Variants in FAM81A observed in about 807,000 individuals in gnomAD.
The protein encoded by FAM81A is family with sequence similarity 81 member A.
A neutral mutation model predicts 46.7 loss-of-function variants in FAM81A; 19 were observed. The ratio of observed to expected loss-of-function variants is 0.41; its 90% CI spans 0.28 to 0.60. FAM81A has a LOEUF of 0.60. Among genes scored for constraint, FAM81A ranks in the 20% least tolerant of loss-of-function variants. The probability of loss-of-function intolerance (pLI) is 0.34; values close to 1 mark genes in which losing one functional copy is unlikely to be tolerated. For synonymous variants in FAM81A, 183 were observed against 152.9 expected (o/e 1.20, Z -1.45); for missense variants, 377 against 453.5 (o/e 0.83, Z 1.53).
At chr15:59,458,713 T>A (rs943597875) in intron 2 of FAM81A, 67 bp downstream of exon 2, 2 of 1,452,000 alleles carry the variant, frequency 1.4e-6, no homozygotes, top group African/African-American at 2.8e-5. Flanking sequence ...AAATCAAAGC[T>A]TGGGCTGTTA....
At chr15:59,486,024 C>T (rs572047416) in intron 3 of FAM81A, among the ~76,000 whole-genome samples, 158 of 152,098 alleles carry the variant, frequency 1.0e-3, no homozygotes, top group South Asian at 4.4e-3. Context: ...ACTAAAAATA[C>T]GGAAATTAGC....
chr15:59,458,986 G>A (rs1214945299), intron 2 of FAM81A, among the ~76,000 whole-genome samples: 1 of 152,146 alleles, frequency 6.6e-6, no homozygotes, highest in Non-Finnish European at 1.5e-5. Flanking sequence ...ACATTGCTTG[G>A]CCTAGCATGT....
intron 4 of FAM81A, among the ~76,000 whole-genome samples, chr15:59,501,474 T>C (rs553643639): frequency 5.9e-5 from 9 of 152,148 alleles, no homozygotes; most frequent in African/African-American, 2.2e-4. Context: ...GATACATATA[T>C]ATATAATAAT....
intron 8 of FAM81A, 78 bp from the exon 9 acceptor site, chr15:59,521,176 C>T: frequency 1.4e-6 from 2 of 1,449,226 alleles, no homozygotes; most frequent in Non-Finnish European, 1.8e-6. Context: ...CTGAATCAAC[C>T]ATTACTAGAT....
chr15:59,491,455 A>G (rs28842551), intron 3 of FAM81A, among the ~76,000 whole-genome samples: 1 of 152,198 alleles, frequency 6.6e-6, no homozygotes, highest in African/African-American at 2.4e-5. Flanking sequence ...AATGTGGATG[A>G]TTAATGGGCA....
chr15:59,414,973 G>C (rs1271707044), intron 2 of FAM81A, among the ~76,000 whole-genome samples: 2 of 151,670 alleles, frequency 1.3e-5, no homozygotes, highest in African/African-American at 4.8e-5. Context: ...CCGCCACAAT[G>C]CCTGGCTAAT....
intron 3 of FAM81A, among the ~76,000 whole-genome samples, chr15:59,462,182 G>A (rs958674797): frequency 2.1e-5 from 3 of 140,756 alleles, no homozygotes; most frequent in South Asian, 2.2e-4. Flanking sequence ...CAGCCTGGGC[G>A]ACAGAGCGAG....
intron 1 of FAM81A, among the ~76,000 whole-genome samples, chr15:59,453,838 T>C (rs978162687): frequency 3.3e-5 from 5 of 152,026 alleles, no homozygotes; most frequent in Non-Finnish European, 7.4e-5. Context: ...TGAGAAGTGC[T>C]AGGTGAATCT....
intron 8 of FAM81A, among the ~76,000 whole-genome samples, chr15:59,517,973 CTT>C (rs540628428): frequency 7.0e-5 from 10 of 143,552 alleles, no homozygotes; most frequent in African/African-American, 7.7e-5. Context: ...TTCTTTCTTC[CTT>C]TTTTTTTTTT....
intron 3 of FAM81A, among the ~76,000 whole-genome samples, chr15:59,483,545 G>A (rs1596514592): frequency 6.6e-6 from 1 of 152,078 alleles, no homozygotes; most frequent in Non-Finnish European, 1.5e-5. Flanking sequence ...AATTATGTAA[G>A]CATAATTACA....
upstream of FAM81A, among the ~76,000 whole-genome samples, chr15:59,435,669 T>C (rs76311175): frequency 2.2e-4 from 33 of 152,304 alleles, no homozygotes; most frequent in East Asian, 4.2e-3. Context: ...CATAATATAC[T>C]GAACAAATTA....
At chr15:59,424,259 G>T (rs2081186413) in intron 2 of FAM81A, among the ~76,000 whole-genome samples, 5 of 152,124 alleles carry the variant, frequency 3.3e-5, no homozygotes, top group Admixed American at 2.6e-4. Flanking sequence ...ACACTCTCCT[G>T]GTTTTCTTTC....
intron 2 of FAM81A, among the ~76,000 whole-genome samples, chr15:59,425,757 G>C (rs372107875): frequency 1.1e-4 from 17 of 152,122 alleles, no homozygotes; most frequent in African/African-American, 3.9e-4. Flanking sequence ...TCCTGAGTAA[G>C]TGGGACTACA....
chr15:59,449,643 G>T (rs560600510), intron 1 of FAM81A, among the ~76,000 whole-genome samples: 1 of 151,864 alleles, frequency 6.6e-6, no homozygotes, highest in Admixed American at 6.6e-5. Flanking sequence ...TTAGCCGGGC[G>T]TGGTGGCGGG....
intron 3 of FAM81A, among the ~76,000 whole-genome samples, chr15:59,491,245 GTTCT>G (rs1282626704): frequency 6.6e-6 from 1 of 152,214 alleles, no homozygotes; most frequent in African/African-American, 2.4e-5. Context: ...AAAGAATGAG[GTTCT>G]GTCATTTGCA....
At chr15:59,415,064 C>G (rs1040853643) in intron 2 of FAM81A, among the ~76,000 whole-genome samples, 2 of 151,752 alleles carry the variant, frequency 1.3e-5, no homozygotes, top group Non-Finnish European at 2.9e-5. Flanking sequence ...GATCTGCCTG[C>G]CTCGGCCTCC....
intron 1 of FAM81A, among the ~76,000 whole-genome samples, chr15:59,443,445 C>G (rs2081322359): frequency 6.6e-6 from 1 of 152,176 alleles, no homozygotes; most frequent in African/African-American, 2.4e-5. Context: ...GTGTTACATT[C>G]CTTGTCATGC....
chr15:59,446,072 A>G (rs767466825), intron 1 of FAM81A, among the ~76,000 whole-genome samples: 3 of 152,228 alleles, frequency 2.0e-5, no homozygotes, highest in African/African-American at 4.8e-5. Flanking sequence ...CCCAAATTAG[A>G]AAAACAAAAA....
chr15:59,414,366 A>T (rs1312631167), intron 2 of FAM81A, among the ~76,000 whole-genome samples: 1 of 152,228 alleles, frequency 6.6e-6, no homozygotes, highest in Non-Finnish European at 1.5e-5. Context: ...CAACAGGCAG[A>T]TTAACAGGAG....
Sources: gnomAD v4.1 joint callset for allele counts (sites outside exome capture counted in the v4.1 genomes callset) on GRCh38, gnomAD v4.1.1 for gene constraint, MANE v1.5 for transcripts, NCBI Gene and HGNC (gene_info 2026-07-23, HGNC 2026-07-21) for gene names.